Variants in HLCS observed in about 807,000 individuals in gnomAD.
The protein encoded by HLCS is biotin--protein ligase.
A neutral mutation model predicts 75.0 loss-of-function variants in HLCS; 53 were observed. The observed-to-expected ratio is 0.71, with a 90% CI of 0.57 to 0.89. HLCS has a LOEUF of 0.89. Ranked by LOEUF, HLCS falls within the 40% of genes least tolerant of loss-of-function variation. The probability of loss-of-function intolerance (pLI) is 0.00; values close to 1 mark genes in which losing one functional copy is unlikely to be tolerated. For missense variants in HLCS, 966 were observed against 1,074.0 expected (o/e 0.90, Z 1.41); for synonymous variants, 431 against 428.6 (o/e 1.01, Z -0.07).
rs2068327680 is a variant in HLCS at position 36,962,106 on chromosome 21, T to C, written c.260A>G (p.His87Arg). 7.8e-7 allele frequency: 1 copy of C among 1,289,106 alleles called. No individual in the cohort carries two copies. The highest frequency in any genetic ancestry group is 1.5e-5 in the African/African-American group (1 of 65,840). 79.9% of individuals were successfully genotyped at this position (1,289,106 alleles called of 1,614,324 possible). Reference protein sequence around the residue: ...LVSPFILEAEHIAFVTESIWV... With the variant: ...LVSPFILEAERIAFVTESIWV... ...AATGCTCTCCGTCACAAATGCTATGTGTTCTGCTTCAAGTATAAAAGGAGA... is the reference window on the plus strand; with the variant it reads ...AATGCTCTCCGTCACAAATGCTATGCGTTCTGCTTCAAGTATAAAAGGAGA... The change falls in exon 2 of 11, where the codon CAC (histidine) becomes CGC (arginine). Residue 87 changes from histidine (H) to arginine (R), a missense_variant. Coordinates refer to ENST00000674895, the MANE Select transcript of HLCS (RefSeq NM_001352514.2).
intron 5 of HLCS, among the ~76,000 whole-genome samples, chr21:36,914,689 G>T (rs2065856085): frequency 6.6e-6 from 1 of 152,230 alleles, no homozygotes; most frequent in South Asian, 2.1e-4. Flanking sequence ...AATCTATTCT[G>T]CAAGTGCAGA....
intron 6 of HLCS, among the ~76,000 whole-genome samples, chr21:36,885,334 CCT>C (rs991975027): frequency 3.3e-5 from 5 of 151,832 alleles, no homozygotes; most frequent in South Asian, 2.1e-4. Flanking sequence ...TAGTGGGACC[CCT>C]GTCTCTACAA....
chr21:36,952,693 A>C (rs901279676), intron 2 of HLCS, among the ~76,000 whole-genome samples: 2 of 148,442 alleles, frequency 1.3e-5, no homozygotes, highest in African/African-American at 5.0e-5. Flanking sequence ...CGGGAGGCTG[A>C]GGCAGGAGAA....
At chr21:36,877,253 G>T (rs749677415) in intron 6 of HLCS, among the ~76,000 whole-genome samples, 1 of 152,054 alleles carries the variant, frequency 6.6e-6, no homozygotes, top group Non-Finnish European at 1.5e-5. Flanking sequence ...TGTAAATATT[G>T]ATAAGGTTGA....
chr21:36,770,914 G>A (rs562379881), intron 6 of HLCS, among the ~76,000 whole-genome samples: 6 of 152,220 alleles, frequency 3.9e-5, no homozygotes, highest in Admixed American at 2.6e-4. Flanking sequence ...CAAAAGGTCC[G>A]TTTTAAAAAG....
chr21:36,984,507 A>G (rs2069189795), intron 1 of HLCS, among the ~76,000 whole-genome samples: 2 of 152,214 alleles, frequency 1.3e-5, no homozygotes, highest in African/African-American at 4.8e-5. Flanking sequence ...GTCCCAGGTG[A>G]GACAGAACAG....
At chr21:36,870,811 G>T (rs1165359560) in intron 6 of HLCS, among the ~76,000 whole-genome samples, 1 of 152,148 alleles carries the variant, frequency 6.6e-6, no homozygotes, top group East Asian at 1.9e-4. Context: ...ACTCCCACAG[G>T]TCTGGTCCAA....
Position 36,930,281 on chromosome 21 carries a change from T to C in HLCS, c.1590A>G (p.Leu530=). ...LSCDMKQVPA[L]TPLYLLSAAE... is the part of the protein sequence containing the mutation. ...CAGCTGACAGCAAGTAAAGAGGAGT[T>C]AAGGCAGGAACTTGTTTCATGTCAC... Residue 530 remains leucine (L), a synonymous_variant, in exon 5 of 11, where the codon TTA becomes TTG. Coordinates refer to ENST00000674895, the MANE Select transcript of HLCS (RefSeq NM_001352514.2). 6.2e-7 allele frequency: 1 copy of C among 1,614,174 alleles called. No individual in the cohort carries two copies. Among genetic ancestry groups the C allele is most frequent in the Non-Finnish European group, 8.5e-7 (1 of 1,180,032 alleles).
In HLCS at chr21:36,936,894, G is replaced by C; in HGVS notation, c.992C>G (p.Ser331Cys). ...AATGTCCACACAGTCGGCCAGCACA[G>C]ACCGGACCTCGTGGAACCGGCCGAG... ...EALGRFHEVR[S>C]VLADCVDIDS... The change falls in exon 4 of 11, where the codon TCT (serine) becomes TGT (cysteine). Residue 331 changes from serine to cysteine, a missense_variant. By Grantham distance (112) the Ser-to-Cys change is moderately radical. Transcript: ENST00000674895. The C allele has an allele frequency of 6.2e-7, 1 of 1,614,188 alleles. No individual in the cohort carries two copies. Among genetic ancestry groups the C allele is most frequent in the Non-Finnish European group, 8.5e-7 (1 of 1,180,042 alleles).
At chr21:36,839,185 A>G (rs1381460147) in intron 6 of HLCS, among the ~76,000 whole-genome samples, 2 of 152,258 alleles carry the variant, frequency 1.3e-5, no homozygotes, top group African/African-American at 4.8e-5. Flanking sequence ...GTGCAAATAC[A>G]CACGGCTGAA....
chr21:36,796,487 A>G (rs935492158), intron 6 of HLCS, among the ~76,000 whole-genome samples: 2 of 152,162 alleles, frequency 1.3e-5, no homozygotes, highest in East Asian at 1.9e-4. Context: ...TCTTTTTACT[A>G]TTTAAGCATT....
chr21:36,887,163 T>C (rs564750807), intron 6 of HLCS, among the ~76,000 whole-genome samples: 1 of 150,924 alleles, frequency 6.6e-6, no homozygotes, highest in East Asian at 1.9e-4. Flanking sequence ...GTCTACAATC[T>C]AGAAGATAAT....
intron 6 of HLCS, among the ~76,000 whole-genome samples, chr21:36,871,473 C>T (rs991761237): frequency 1.6e-4 from 24 of 152,086 alleles, no homozygotes; most frequent in African/African-American, 5.8e-4. Flanking sequence ...GACACAGGCA[C>T]CACCACAGAC....
intron 5 of HLCS, among the ~76,000 whole-genome samples, chr21:36,923,946 C>G (rs2066288355): frequency 6.6e-6 from 1 of 152,136 alleles, no homozygotes; most frequent in African/African-American, 2.4e-5. Context: ...GCTATAAAAG[C>G]TTTTAAATGT....
At chr21:36,942,772 G>C (rs1025116152) in intron 2 of HLCS, among the ~76,000 whole-genome samples, 10 of 151,948 alleles carry the variant, frequency 6.6e-5, no homozygotes, top group Admixed American at 5.2e-4. Context: ...ATTTAAAAAT[G>C]GGCAAAGGAT....
At chr21:36,987,700 A>G (rs902694610) in intron 1 of HLCS, among the ~76,000 whole-genome samples, 1 of 152,134 alleles carries the variant, frequency 6.6e-6, no homozygotes, top group Non-Finnish European at 1.5e-5. Flanking sequence ...TTAATAAGTA[A>G]TCTGTGGAAT....
chr21:36,880,395 A>C (rs2064158363), intron 6 of HLCS, among the ~76,000 whole-genome samples: 2 of 152,168 alleles, frequency 1.3e-5, no homozygotes, highest in Non-Finnish European at 2.9e-5. Flanking sequence ...AAACAAAACA[A>C]AACAAAAACA....
chr21:36,769,946 C>T (rs539612037), intron 6 of HLCS, among the ~76,000 whole-genome samples: 9 of 152,230 alleles, frequency 5.9e-5, no homozygotes, highest in Non-Finnish European at 1.3e-4. Flanking sequence ...TCCACATTCA[C>T]AACAGTGTTA....
At chr21:36,876,141 T>A (rs1458555658) in intron 6 of HLCS, among the ~76,000 whole-genome samples, 1 of 151,974 alleles carries the variant, frequency 6.6e-6, no homozygotes, top group Non-Finnish European at 1.5e-5. Context: ...TCACAACCCC[T>A]CGCCAGTGTG....
Sources: allele counts gnomAD v4.1 joint callset (sites outside exome capture counted in the v4.1 genomes callset), GRCh38; gene constraint gnomAD v4.1.1; transcripts MANE v1.5; gene names NCBI Gene and HGNC (gene_info 2026-07-23, HGNC 2026-07-21).